The following TTC7A variants were observed in gnomAD, a reference collection of about 807,000 sequenced individuals.
The protein encoded by TTC7A is tetratricopeptide repeat domain 7A.
A neutral mutation model predicts 103.7 loss-of-function variants in TTC7A; 110 were observed. The ratio of observed to expected loss-of-function variants is 1.06; its 90% CI spans 0.91 to 1.24. The LOEUF is 1.24. Ranked by LOEUF, TTC7A falls within the 50% of genes most tolerant of loss-of-function variation. TTC7A has a pLI of 0.00. For missense variants in TTC7A, 1,340 were observed against 1,116.3 expected, an observed-to-expected ratio of 1.20 and a Z score of -2.86; for synonymous variants, 521 against 467.9, an observed-to-expected ratio of 1.11 and a Z score of -1.47.
intron 13 of TTC7A, among the ~76,000 whole-genome samples, 179 bp from the exon 14 acceptor site, chr2:47,024,108 G>T (rs943265631): frequency 6.6e-6 from 1 of 152,182 alleles, no homozygotes; most frequent in African/African-American, 2.4e-5. Context: ...GGCTGCCTGT[G>T]GGCCGCCTTC....
intron 15 of TTC7A, among the ~76,000 whole-genome samples, chr2:47,037,959 T>C (rs1681292937): frequency 6.6e-6 from 1 of 152,078 alleles, no homozygotes; most frequent in Non-Finnish European, 1.5e-5. Flanking sequence ...GATAAGAAAC[T>C]GAAACTCTAG....
At chr2:47,015,574 C>T (rs546678170) in intron 11 of TTC7A, among the ~76,000 whole-genome samples, 2 of 152,278 alleles carry the variant, frequency 1.3e-5, no homozygotes, top group South Asian at 4.1e-4. Context: ...GCCTCGGTTT[C>T]CTCATCTGTA....
chr2:46,924,784 C>T (rs909599431), intron 2 of TTC7A, among the ~76,000 whole-genome samples: 17 of 152,134 alleles, frequency 1.1e-4, no homozygotes, highest in African/African-American at 2.4e-4. Context: ...ACTGCCAGCA[C>T]GCCTGGCTAA....
At position 46,956,916 on chromosome 2, in the gene TTC7A, C is replaced by A; in HGVS notation, c.426C>A (p.Ser142Arg). Residue 142 changes from serine to arginine, a missense_variant, in exon 3 of 20, where the codon AGC becomes AGA. Transcript: ENST00000319190. ...YVEGSYRDAI[S>R]MYARAGIDDM... ...AGGGCTCATACCGAGATGCCATCAGCATGTACGCACGGGCCGGGATTGATG... is the reference window on the plus strand; with the variant it reads ...AGGGCTCATACCGAGATGCCATCAGAATGTACGCACGGGCCGGGATTGATG... 1 of 1,614,234 alleles carries A rather than the reference C, an allele frequency of 6.2e-7. No homozygotes were observed.
At position 47,074,014 on chromosome 2, in the gene TTC7A, CG is replaced by C; in HGVS notation, c.*95del. 1.0e-6 allele frequency: 1 copy of C among 993,278 alleles called. No homozygotes were observed. The highest frequency in any genetic ancestry group is 1.5e-6 in the Non-Finnish European group (1 of 669,950). 61.5% of individuals were successfully genotyped at this position (993,278 alleles called of 1,614,324 possible). ...GGTGGGGCAACAGTGGCATCAGGTG[CG>C]GGGCCTCAGGGAAATACATCTTTAG... is the stretch of plus-strand genomic sequence containing the variant. On this transcript the variant is annotated 3_prime_UTR_variant, in exon 20 of 20. Transcript: ENST00000319190.
At chr2:47,067,480 C>T (rs1684274147) in intron 19 of TTC7A, among the ~76,000 whole-genome samples, 2 of 152,214 alleles carry the variant, frequency 1.3e-5, no homozygotes, top group Non-Finnish European at 2.9e-5. Context: ...GCTGAGAAGA[C>T]AGGGAGGGAG....
rs906973558 is a variant in TTC7A, at chr2:47,007,268, C to T, written c.1287+544C>T. ...GGACAGGGCCTGGCGGGACGCTGCC[C>T]GGAGCAAGGAGCACCGGGCATGAGT... On this transcript the variant is annotated intron_variant, in intron 10 of 19. Transcript: ENST00000319190. The surrounding 1 kb of genome is among the most constrained non-coding windows in gnomAD (Gnocchi z 4.9). Among the ~76,000 whole-genome samples, 10 of 151,998 alleles carry T rather than the reference C, an allele frequency of 6.6e-5. No individual in the cohort carries two copies. Among genetic ancestry groups the T allele is most frequent in the Middle Eastern group, 3.4e-3 (1 of 294 alleles).
chr2:46,919,854 A>G (rs1403480389), intron 2 of TTC7A, among the ~76,000 whole-genome samples: 2 of 152,250 alleles, frequency 1.3e-5, no homozygotes, highest in East Asian at 1.9e-4. Flanking sequence ...GTCTTGCTCT[A>G]TCACCCTTGC....
intron 5 of TTC7A, among the ~76,000 whole-genome samples, chr2:46,987,836 GTGTGTGTT>G (rs1337754251): frequency 4.6e-5 from 7 of 151,220 alleles, no homozygotes; most frequent in South Asian, 4.2e-4. Context: ...GTGTGTGTGT[GTGTGTGTT>G]TGTGTGTGTC....
At chr2:46,974,849 CG>C in intron 3 of TTC7A, 123 bp from the exon 4 acceptor site, 3 of 1,370,208 alleles carry the variant, frequency 2.2e-6, no homozygotes, top group Non-Finnish European at 3.0e-6. Context: ...CGCAGACCTC[CG>C]CCTCCTCCTG....
At chr2:46,935,556 C>T (rs556054387) in intron 2 of TTC7A, among the ~76,000 whole-genome samples, 4 of 152,158 alleles carry the variant, frequency 2.6e-5, no homozygotes, top group East Asian at 3.8e-4. Flanking sequence ...TGCGTTATCA[C>T]AAAAATTGTC....
chr2:47,059,061 G>A (rs890802226), intron 18 of TTC7A, among the ~76,000 whole-genome samples: 3 of 112,418 alleles, frequency 2.7e-5, no homozygotes, highest in Admixed American at 1.4e-4. Context: ...TCACTCTGTC[G>A]CCCAGGCTGG....
chr2:47,025,652 C>T (rs182817393), intron 14 of TTC7A, among the ~76,000 whole-genome samples: 1 of 152,336 alleles, frequency 6.6e-6, no homozygotes, highest in Non-Finnish European at 1.5e-5. Flanking sequence ...GTCTCCCTCT[C>T]CAGGTTCTTC....
In TTC7A at chr2:46,988,123, A is replaced by G. The variant is rs570034729; in HGVS notation, c.765-5327A>G. 3.9e-4 allele frequency among the ~76,000 whole-genome samples: 59 copies of G among 152,192 alleles called. 1 individual carries two copies. Among genetic ancestry groups the G allele is most frequent in the African/African-American group, 1.3e-3 (56 of 41,508 alleles). ...GCTTTGGGGCAGAGGGTAACCTCTG[A>G]GGCCCATTCCAGCCTCTCTGAATGC... On this transcript the variant is annotated intron_variant, in intron 5 of 19. Coordinates refer to ENST00000319190, the MANE Select transcript of TTC7A (RefSeq NM_020458.4).
intron 3 of TTC7A, among the ~76,000 whole-genome samples, chr2:46,965,008 G>T (rs1672716534): frequency 6.6e-6 from 1 of 152,190 alleles, no homozygotes; most frequent in South Asian, 2.1e-4. Context: ...AGGTCCTGAT[G>T]CCCTGACCGT....
At chr2:47,054,174 T>TAG in intron 18 of TTC7A, 1 of 985,400 alleles carries the variant, frequency 1.0e-6, no homozygotes, top group Non-Finnish European at 1.2e-6. Context: ...AGTGTAGTAT[T>TAG]AGGAGACCAG....
chr2:47,004,390 G>C (rs13403803), intron 8 of TTC7A, among the ~76,000 whole-genome samples: 21,803 of 152,222 alleles, frequency 0.14, 2,159 homozygotes, highest in African/African-American at 0.28. Context: ...AGGGGCTTGG[G>C]CTTCTGCCTC....
intron 1 of TTC7A, among the ~76,000 whole-genome samples, chr2:46,948,792 A>G (rs976667366): frequency 6.6e-6 from 1 of 152,152 alleles, no homozygotes; most frequent in Non-Finnish European, 1.5e-5. Context: ...TGGCTATGAG[A>G]TGTTAGCAGA....
intron 11 of TTC7A, among the ~76,000 whole-genome samples, chr2:47,012,434 C>G (rs1485141928): frequency 2.0e-5 from 3 of 152,204 alleles, no homozygotes; most frequent in Non-Finnish European, 1.5e-5. Flanking sequence ...TGGGCACTTC[C>G]CCTGGAGATG....
Sources: gnomAD v4.1 joint callset for allele counts (sites outside exome capture counted in the v4.1 genomes callset) on GRCh38, gnomAD v4.1.1 for gene constraint, Gnocchi (gnomAD v3.1) non-coding constraint, MANE v1.5 for transcripts, NCBI Gene and HGNC (gene_info 2026-07-23, HGNC 2026-07-21) for gene names.